SYT14: variants seen among roughly 807,000 people sequenced by gnomAD.
SYT14 encodes synaptotagmin 14, also known as synaptotagmin-14.
Under a neutral mutation model 74.2 loss-of-function variants are expected in SYT14, and 32 were observed. The observed-to-expected ratio is 0.43, with a 90% CI of 0.33 to 0.58. The LOEUF is 0.58. Ranked by LOEUF, SYT14 falls within the 20% of genes least tolerant of loss-of-function variation. The pLI is 0.05. For missense variants in SYT14, 791 were observed against 981.8 expected, an observed-to-expected ratio of 0.81 and a Z score of 2.60; for synonymous variants, 298 against 337.7, an observed-to-expected ratio of 0.88 and a Z score of 1.29.
chr1:210,017,110 C>G (rs2080200826), intron 4 of SYT14: 1 of 1,228,420 alleles, frequency 8.1e-7, no homozygotes, highest in African/African-American at 1.6e-5. Flanking sequence ...GTGAGGTCTC[C>G]TAATGTTGGT....
intron 7 of SYT14, among the ~76,000 whole-genome samples, chr1:210,130,715 C>A (rs1192542819): frequency 1.3e-5 from 2 of 152,108 alleles, no homozygotes; most frequent in African/African-American, 2.4e-5. Context: ...AAATAGAAAC[C>A]ATTGCTATTT....
rs531888730 is a variant in SYT14 at position 210,097,540 on chromosome 1, G to A, written c.1585-2472G>A. On this transcript the variant is annotated intron_variant, in intron 6 of 9. Transcript: ENST00000637265. The stretch of plus-strand genomic sequence containing the variant: ...AAAAAAAAGAAAAAACAATCAGGGC[G>A]GCACCAAGAGAAGTAAAATTCAAAA... 9.2e-5 allele frequency among the ~76,000 whole-genome samples: 14 copies of A among 151,644 alleles called. No homozygotes were observed. In the South Asian group the frequency reaches 2.1e-3, roughly 23 times the overall value.
chr1:210,092,896 T>C (rs944654265), intron 5 of SYT14, among the ~76,000 whole-genome samples: 2 of 152,192 alleles, frequency 1.3e-5, no homozygotes, highest in Non-Finnish European at 2.9e-5. Context: ...TCACATTGTG[T>C]TAGACATTGT....
At chr1:210,132,567 TTGTGTGTGTGTGTG>T (rs3031264) in intron 7 of SYT14, among the ~76,000 whole-genome samples, 66 of 145,082 alleles carry the variant, frequency 4.5e-4, no homozygotes, top group African/African-American at 1.6e-3. Flanking sequence ...ATTTTATATA[TTGTGTGTGTGTGTG>T]TGTGTGTGTG....
chr1:209,992,728 A>G (rs1464552295), intron 2 of SYT14, among the ~76,000 whole-genome samples: 3 of 152,184 alleles, frequency 2.0e-5, no homozygotes, highest in Non-Finnish European at 4.4e-5. Flanking sequence ...AGAAAACTGA[A>G]GGGGGGACAA....
intron 4 of SYT14, among the ~76,000 whole-genome samples, chr1:210,019,166 TTTC>T (rs2080252098): frequency 1.4e-5 from 2 of 145,772 alleles, no homozygotes; most frequent in South Asian, 2.2e-4. Flanking sequence ...GAGAAAGGGT[TTTC>T]TTCTTTATTT....
At chr1:210,083,516 G>A (rs1343966784) in intron 5 of SYT14, among the ~76,000 whole-genome samples, 4 of 152,088 alleles carry the variant, frequency 2.6e-5, no homozygotes, top group South Asian at 2.1e-4. Flanking sequence ...GGGCTCAAAC[G>A]ATCGTCTTTT....
At chr1:209,996,765 C>T (rs1037490946) in intron 2 of SYT14, among the ~76,000 whole-genome samples, 5 of 152,134 alleles carry the variant, frequency 3.3e-5, no homozygotes, top group African/African-American at 4.8e-5. Flanking sequence ...AGTTAATTTA[C>T]GATGATTAAG....
In SYT14 at chr1:209,970,688, T is replaced by A. The variant is rs1217045208; in HGVS notation, c.-486+17932T>A. Among the ~76,000 whole-genome samples, 57 of 74,246 alleles carry A rather than the reference T, an allele frequency of 7.7e-4. 4 individuals carry two copies. Among genetic ancestry groups the A allele is most frequent in the African/African-American group, 2.1e-3 (52 of 24,866 alleles). The allele number at this position is 74,246 out of a possible 152,430, so 48.7% of individuals were successfully genotyped here. The stretch of plus-strand genomic sequence containing the variant: ...TTTTTTTTTTTTTTTTTTTTTTTTT[T>A]TTTTTTTTTTTTTGAGGCAGAGTCT... On this transcript the variant is annotated intron_variant, in intron 2 of 9. Coordinates refer to ENST00000637265, the Ensembl canonical transcript of SYT14.
intron 5 of SYT14, among the ~76,000 whole-genome samples, chr1:210,066,525 C>T (rs1200439021): frequency 6.6e-6 from 1 of 152,134 alleles, no homozygotes; most frequent in Non-Finnish European, 1.5e-5. Flanking sequence ...TAAATGTCTT[C>T]TTTTGAGAAG....
At chr1:210,070,300 C>T (rs1022412769) in intron 5 of SYT14, among the ~76,000 whole-genome samples, 11 of 152,044 alleles carry the variant, frequency 7.2e-5, no homozygotes, top group African/African-American at 2.4e-4. Flanking sequence ...ATGAGGTTCT[C>T]TAGTTCCCTT....
At chr1:210,133,118 C>T (rs758685544) in intron 7 of SYT14, among the ~76,000 whole-genome samples, 3 of 152,192 alleles carry the variant, frequency 2.0e-5, no homozygotes, top group South Asian at 4.1e-4. Flanking sequence ...AATAGACATG[C>T]TCATATGTTA....
At chr1:210,139,545 C>A (rs2082872798) in intron 7 of SYT14, among the ~76,000 whole-genome samples, 1 of 151,972 alleles carries the variant, frequency 6.6e-6, no homozygotes, top group South Asian at 2.1e-4. Flanking sequence ...GTGTAAAAGT[C>A]ATGATTTTTA....
In SYT14 at chr1:209,994,597, A is replaced by T. The variant is rs530891235; in HGVS notation, c.-485-19036A>T. Among the ~76,000 whole-genome samples the T allele has an allele frequency of 4.6e-5, 7 of 152,294 alleles. No homozygotes were observed. The South Asian group carries it at 1.5e-3, about 32-fold the overall frequency. On this transcript the variant is annotated intron_variant, in intron 2 of 9. Transcript: ENST00000637265. ...GATATAATCCATGAAAATTTCCCTA[A>T]TCTTGCTAGAGGTTGACATGTTAAT...
Position 209,952,699 on chromosome 1 carries a change from T to C in SYT14, c.-533-10T>C. 6.2e-7 allele frequency: 1 copy of C among 1,607,982 alleles called. No homozygotes were observed. The highest frequency in any genetic ancestry group is 8.5e-7 in the Non-Finnish European group (1 of 1,176,354). ...TATGTTTTTAACTTCCCATAAACTTTTTTTAATAGGTGGAGAGAGAACCTG... is the reference window on the plus strand; with the variant it reads ...TATGTTTTTAACTTCCCATAAACTTCTTTTAATAGGTGGAGAGAGAACCTG... On this transcript the variant is annotated splice_polypyrimidine_tract_variant and intron_variant, in intron 1 of 9. Transcript: ENST00000637265.
At chr1:210,084,704 A>G in intron 5 of SYT14, among the ~76,000 whole-genome samples, 1 of 152,230 alleles carries the variant, frequency 6.6e-6, no homozygotes, top group East Asian at 1.9e-4. Flanking sequence ...TTCTGGATAA[A>G]TATAAAGGAA....
intron 5 of SYT14, among the ~76,000 whole-genome samples, chr1:210,040,729 A>G (rs1188131520): frequency 2.0e-5 from 3 of 152,170 alleles, no homozygotes; most frequent in East Asian, 1.9e-4. Context: ...TCCTAAAGTC[A>G]TTTAGTCAGG....
exon 10 of SYT14, chr1:210,169,233 T>TG (rs1238354993): frequency 2.9e-4 from 41 of 139,382 alleles, no homozygotes; most frequent in African/African-American, 8.8e-4. Context: ...TTTTTTTTTT[T>TG]TTTTTTTTTT....
chr1:209,975,906 T>A (rs1233490604), intron 2 of SYT14, among the ~76,000 whole-genome samples: 9 of 152,224 alleles, frequency 5.9e-5, no homozygotes, highest in Admixed American at 5.9e-4. Context: ...ATTCAGAGAT[T>A]CAACTTTTTG....
Sources: gnomAD v4.1 joint callset for allele counts (sites outside exome capture counted in the v4.1 genomes callset) on GRCh38, gnomAD v4.1.1 for gene constraint, MANE v1.5 for transcripts, NCBI Gene and HGNC (gene_info 2026-07-23, HGNC 2026-07-21) for gene names.